Variants in TMEM132C observed in about 807,000 individuals in gnomAD.
The protein encoded by TMEM132C is protein phosphatase 1, regulatory subunit 152.
In TMEM132C, 29 loss-of-function variants were observed where a neutral mutation model predicts 61.4. That is an observed-to-expected ratio of 0.47 (90% CI 0.35 to 0.64). The LOEUF (loss-of-function observed/expected upper bound fraction) is 0.64, where lower values mean the gene tolerates loss of function less well. TMEM132C is among the 30% of genes least tolerant of loss of function. The probability of loss-of-function intolerance (pLI) is 0.00; values close to 1 mark genes in which losing one functional copy is unlikely to be tolerated. For synonymous variants in TMEM132C, 656 were observed against 633.1 expected (o/e 1.04, Z -0.54); for missense variants, 1,408 against 1,476.9 (o/e 0.95, Z 0.76).
At chr12:128,320,168 G>A (rs1261763664) in intron 1 of TMEM132C, among the ~76,000 whole-genome samples, 4 of 152,092 alleles carry the variant, frequency 2.6e-5, no homozygotes, top group Non-Finnish European at 5.9e-5. Context: ...CGGATGAATT[G>A]CCCTTGTCAT....
chr12:128,449,387 G>A (rs1199927938), intron 2 of TMEM132C, among the ~76,000 whole-genome samples: 2 of 151,972 alleles, frequency 1.3e-5, no homozygotes, highest in African/African-American at 4.8e-5. Flanking sequence ...TGTTTACAGT[G>A]TCTACTATAG....
intron 1 of TMEM132C, among the ~76,000 whole-genome samples, chr12:128,292,762 A>G (rs1053199688): frequency 1.3e-5 from 2 of 152,168 alleles, no homozygotes; most frequent in Non-Finnish European, 2.9e-5. Flanking sequence ...TAGTACCTAG[A>G]TGAGGCACTT....
intron 2 of TMEM132C, among the ~76,000 whole-genome samples, chr12:128,451,491 G>A (rs1232895738): frequency 6.6e-6 from 1 of 152,172 alleles, no homozygotes; most frequent in Non-Finnish European, 1.5e-5. Context: ...TATTTTGTGA[G>A]GTTCATTAAT....
intron 8 of TMEM132C, among the ~76,000 whole-genome samples, chr12:128,698,502 C>T (rs146628368): frequency 6.6e-6 from 1 of 152,302 alleles, no homozygotes; most frequent in African/African-American, 2.4e-5. Flanking sequence ...ACGCCTCACC[C>T]GTGTCTCAAT....
chr12:128,663,952 A>AC (rs1432670812), intron 4 of TMEM132C, among the ~76,000 whole-genome samples: 1 of 103,230 alleles, frequency 9.7e-6, no homozygotes, highest in Non-Finnish European at 2.1e-5. Context: ...ACACAGGCAC[A>AC]CACACATACA....
intron 1 of TMEM132C, among the ~76,000 whole-genome samples, chr12:128,312,718 T>C (rs1872013856): frequency 6.6e-6 from 1 of 152,168 alleles, no homozygotes; most frequent in Non-Finnish European, 1.5e-5. Flanking sequence ...AGTCCAACCC[T>C]GCCAACACCT....
intron 2 of TMEM132C, among the ~76,000 whole-genome samples, chr12:128,529,941 C>G (rs1159806017): frequency 6.6e-6 from 1 of 152,066 alleles, no homozygotes; most frequent in Non-Finnish European, 1.5e-5. Flanking sequence ...TTGTTAGGCA[C>G]GATAATGGCA....
intron 4 of TMEM132C, among the ~76,000 whole-genome samples, chr12:128,655,407 G>C (rs1178821462): frequency 6.6e-6 from 1 of 152,062 alleles, no homozygotes; most frequent in Admixed American, 6.6e-5. Context: ...GTAAATCACT[G>C]GTTGCACCTA....
At chr12:128,416,707 A>C (rs1177844265) in intron 2 of TMEM132C, among the ~76,000 whole-genome samples, 1 of 152,192 alleles carries the variant, frequency 6.6e-6, no homozygotes, top group Non-Finnish European at 1.5e-5. Context: ...GGTTTCCATT[A>C]GTTTCTCATC....
chr12:128,310,612 A>G (rs901067814), intron 1 of TMEM132C, among the ~76,000 whole-genome samples: 2 of 152,102 alleles, frequency 1.3e-5, no homozygotes, highest in African/African-American at 4.8e-5. Flanking sequence ...CACCAAGGAG[A>G]TGAACAAGCC....
intron 6 of TMEM132C, 71 bp from the exon 7 acceptor site, chr12:128,695,759 C>T (rs751446543): frequency 6.9e-6 from 10 of 1,451,852 alleles, no homozygotes; most frequent in East Asian, 2.5e-5. Context: ...TTGAGGTGAG[C>T]GCCTGCCTGT....
At chr12:128,516,274 A>G (rs1872714878) in intron 2 of TMEM132C, among the ~76,000 whole-genome samples, 2 of 152,256 alleles carry the variant, frequency 1.3e-5, no homozygotes, top group African/African-American at 4.8e-5. Context: ...GAGGCTGGAT[A>G]AACCTGTGGA....
chr12:128,460,757 C>T (rs1332656797), intron 2 of TMEM132C, among the ~76,000 whole-genome samples: 2 of 152,208 alleles, frequency 1.3e-5, no homozygotes, highest in African/African-American at 4.8e-5. Flanking sequence ...CATGCACCCT[C>T]CTGTCCTAAC....
chr12:128,620,832 G>A (rs760732090), intron 4 of TMEM132C, among the ~76,000 whole-genome samples: 6 of 151,550 alleles, frequency 4.0e-5, no homozygotes, highest in Non-Finnish European at 7.4e-5. Context: ...AAAATTCCTA[G>A]AACATGTTCC....
intron 1 of TMEM132C, among the ~76,000 whole-genome samples, chr12:128,348,500 C>T (rs1274881059): frequency 4.6e-5 from 7 of 152,190 alleles, no homozygotes; most frequent in Non-Finnish European, 7.3e-5. Context: ...CATCTTTGTT[C>T]TACTATTGAT....
At position 128,705,571 on chromosome 12, in the gene TMEM132C, T is replaced by C; in HGVS notation, c.2603T>C (p.Val868Ala). The C allele has an allele frequency of 1.3e-6, 2 of 1,550,948 alleles. No individual in the cohort carries two copies. The highest frequency in any genetic ancestry group is 1.4e-5 in the African/African-American group (1 of 73,076). ...TTARSLLDNK[V>A]VKNSRADGGR... ...GCCAGGTCCCTGCTGGACAACAAAG[T>C]GGTGAAGAACAGTCGGGCAGACGGG... The change falls in exon 9 of 9, where the codon GTG becomes GCG. Residue 868 changes from valine to alanine, a missense_variant. Val to Ala is a moderately conservative substitution (Grantham distance 64). Transcript: ENST00000435159.
chr12:128,616,381 C>A, intron 4 of TMEM132C, 46 bp downstream of exon 4: 1 of 1,489,168 alleles, frequency 6.7e-7, no homozygotes, highest in Non-Finnish European at 9.1e-7. Flanking sequence ...AGCCACCTGA[C>A]TGCATCCTGT....
rs190331796 is a variant in TMEM132C, at chr12:128,637,416, A to G, written c.1305+21081A>G. Among the ~76,000 whole-genome samples the G allele has an allele frequency of 9.8e-5, 15 of 152,338 alleles. No homozygotes were observed. In the South Asian group the frequency reaches 1.4e-3, roughly 15 times the overall value. ...ATCACACAGCTTGTAAGGAGCTGCC[A>G]TGGGGCTTGACCTCAGTCTATCTGA... is the stretch of plus-strand genomic sequence containing the variant. On this transcript the variant is annotated intron_variant, in intron 4 of 8. Transcript: ENST00000435159.
At chr12:128,539,189 C>T (rs1472810147) in intron 2 of TMEM132C, among the ~76,000 whole-genome samples, 1 of 152,178 alleles carries the variant, frequency 6.6e-6, no homozygotes, top group Non-Finnish European at 1.5e-5. Context: ...ACCTGGGATT[C>T]TTTCCACGTC....
Sources: allele counts gnomAD v4.1 joint callset (sites outside exome capture counted in the v4.1 genomes callset), GRCh38; gene constraint gnomAD v4.1.1; transcripts MANE v1.5; gene names NCBI Gene and HGNC (gene_info 2026-07-23, HGNC 2026-07-21).